ZNF333: variants seen among roughly 807,000 people sequenced by gnomAD.
ZNF333 encodes the protein zinc finger protein 333.
In ZNF333, 61 loss-of-function variants were observed where a neutral mutation model predicts 76.1. The observed-to-expected ratio is 0.80, with a 90% confidence interval of 0.65 to 0.99. ZNF333 has a LOEUF of 0.99. Ranked by LOEUF, ZNF333 falls within the 50% of genes least tolerant of loss-of-function variation. ZNF333 has a pLI of 0.00. For synonymous variants in ZNF333, 284 were observed against 305.0 expected (o/e 0.93, Z 0.72); for missense variants, 717 against 822.4 (o/e 0.87, Z 1.57).
intron 11 of ZNF333, among the ~76,000 whole-genome samples, chr19:14,729,174 C>A (rs1031988609): frequency 2.0e-5 from 3 of 152,032 alleles, no homozygotes; most frequent in African/African-American, 4.8e-5. Flanking sequence ...ACAGACTGAA[C>A]CTTTGAAGAG....
chr19:14,705,128 C>T lies in ZNF333; in HGVS notation c.381C>T (p.Asp127=). Residue 127 remains aspartate, a synonymous_variant, in exon 6 of 12, where the codon GAC becomes GAT. Coordinates refer to ENST00000292530, the MANE Select transcript of ZNF333 (RefSeq NM_032433.4). ...GGGAGACACCATTGACTCGAGAGGA[C>T]CGGCCAGCTCTCCAGGAGCCGCCTT... ...EERETPLTRE[D]RPALQEPPWS... is the part of the protein sequence containing the mutation. 6.2e-7 allele frequency: 1 copy of T among 1,613,940 alleles called. No individual in the cohort carries two copies. Among genetic ancestry groups the T allele is most frequent in the Non-Finnish European group, 8.5e-7 (1 of 1,179,984 alleles).
Position 14,693,482 on chromosome 19 carries a change from C to T in ZNF333, c.-10C>T, listed in dbSNP as rs768015765. 3.7e-6 allele frequency: 6 copies of T among 1,602,490 alleles called. No individual in the cohort carries two copies. In the East Asian group the frequency reaches 1.3e-4, roughly 36 times the overall value. Reference sequence around the variant, plus strand: ...CACCGACTGAGACCTCAAACCCTGGCTCCAGTGTCATGGTGAGGAAACTGG... The same window carrying T: ...CACCGACTGAGACCTCAAACCCTGGTTCCAGTGTCATGGTGAGGAAACTGG... On this transcript the variant is annotated 5_prime_UTR_variant, in exon 2 of 12. Transcript: ENST00000292530.
At position 14,721,280 on chromosome 19, in the gene ZNF333, C is replaced by CATTTTTTATTTTT. The variant is rs2042578784; in HGVS notation, c.*1955_*1956insATTTTTTATTTTT. 1.1e-5 allele frequency: 1 copy of CATTTTTTATTTTT among 87,862 alleles called. No homozygotes were observed. Among genetic ancestry groups the CATTTTTTATTTTT allele is most frequent in the Non-Finnish European group, 2.1e-5 (1 of 47,640 alleles). The allele number at this position is 87,862 out of a possible 1,614,324, so 5.4% of individuals were successfully genotyped here. Reference sequence around the variant, plus strand: ...GGACTAGTCTCCATTTTTACTTGTTCTTTTTTTTTTTTTTTTTTTTTTTTT... The same window carrying CATTTTTTATTTTT: ...GGACTAGTCTCCATTTTTACTTGTTCATTTTTTATTTTTTTTTTTTTTTTTTTTTTTTTTTTTT... On this transcript the variant is annotated 3_prime_UTR_variant, in exon 12 of 12. Coordinates refer to ENST00000292530, the MANE Select transcript of ZNF333 (RefSeq NM_032433.4).
intron 7 of ZNF333, chr19:14,708,498 C>CA (rs34925577): frequency 1.5e-5 from 6 of 398,414 alleles, no homozygotes; most frequent in East Asian, 7.2e-5. Context: ...TCTCAGGGGA[C>CA]GGGAGAGTTC....
At position 14,718,877 on chromosome 19, in the gene ZNF333, C is replaced by T. The variant is rs778924430; in HGVS notation, c.1550C>T (p.Thr517Met). The T allele has an allele frequency of 2.5e-5, 40 of 1,614,014 alleles. No individual in the cohort carries two copies. The Admixed American group carries it at 2.8e-4, about 11-fold the overall frequency. ...AACCAGTGTGGCAAGCCCTTCCGGA[C>T]GAGCACTCATCTGAACGTGCACAAG... The part of the protein sequence containing the change: ...ECNQCGKPFR[T>M]STHLNVHKRI... Residue 517 changes from threonine (T) to methionine (M), a missense_variant, in exon 12 of 12, where the codon ACG (threonine) becomes ATG (methionine). Transcript: ENST00000292530.
intron 7 of ZNF333, among the ~76,000 whole-genome samples, chr19:14,710,139 G>C (rs1568544102): frequency 6.6e-6 from 1 of 152,230 alleles, no homozygotes; most frequent in Non-Finnish European, 1.5e-5. Context: ...GCAGCTTCCA[G>C]ATTGTTCAGG....
At chr19:14,711,105 A>T (rs533644401) in intron 7 of ZNF333, among the ~76,000 whole-genome samples, 24 of 152,298 alleles carry the variant, frequency 1.6e-4, no homozygotes, top group Admixed American at 1.6e-3. Flanking sequence ...ATCTGCCCCC[A>T]AGTCCCGCCT....
At chr19:14,700,161 T>C (rs3893727) in intron 5 of ZNF333, 28,443 of 152,410 alleles carry the variant, frequency 0.19, 2,859 homozygotes, top group Middle Eastern at 0.29. Flanking sequence ...TGAGTCACCA[T>C]GCCCAGCTAA....
downstream of ZNF333, among the ~76,000 whole-genome samples, chr19:14,722,261 A>G (rs1209745520): frequency 2.0e-5 from 3 of 152,188 alleles, no homozygotes; most frequent in African/African-American, 7.2e-5. Context: ...AGCTCCTCCT[A>G]TCAAGAGGTG....
chr19:14,720,697 T>C lies in ZNF333; in HGVS notation c.*1372T>C. ...TATGTCAGTTTTTATAAATGCTTCA[T>C]GGATGGTTGAAATCAATGTATTGTA... On this transcript the variant is annotated 3_prime_UTR_variant, in exon 12 of 12. Coordinates refer to ENST00000292530, the MANE Select transcript of ZNF333 (RefSeq NM_032433.4). The C allele has an allele frequency of 1.0e-6, 1 of 985,432 alleles. No individual in the cohort carries two copies. Among genetic ancestry groups the C allele is most frequent in the South Asian group, 4.7e-5 (1 of 21,294 alleles). 61.0% of individuals were successfully genotyped at this position (985,432 alleles called of 1,614,324 possible). A position where few individuals can be genotyped will look rare whatever the true frequency, so the allele number is the denominator to read the frequency against.
Position 14,705,042 on chromosome 19 carries a change from G to A in ZNF333, c.307-12G>A, listed in dbSNP as rs764056947. The A allele has an allele frequency of 1.2e-6, 2 of 1,613,004 alleles. No homozygotes were observed. Among genetic ancestry groups the A allele is most frequent in the African/African-American group, 1.3e-5 (1 of 75,042 alleles). ...ACTCTGTCCTGCTCAGCACCCTCTT[G>A]TCTTTTGCCAGGGGCCGGGGCTGTT... On this transcript the variant is annotated splice_polypyrimidine_tract_variant and intron_variant, in intron 5 of 11. Coordinates refer to ENST00000292530, the MANE Select transcript of ZNF333 (RefSeq NM_032433.4).
At chr19:14,712,819 A>C (rs2042317264) in intron 7 of ZNF333, among the ~76,000 whole-genome samples, 1 of 152,148 alleles carries the variant, frequency 6.6e-6, no homozygotes, top group African/African-American at 2.4e-5. Flanking sequence ...TCAACTCATT[A>C]CATCTGCAAC....
At chr19:14,705,892 G>T (rs1400117128) in intron 6 of ZNF333, among the ~76,000 whole-genome samples, 1 of 152,122 alleles carries the variant, frequency 6.6e-6, no homozygotes, top group Non-Finnish European at 1.5e-5. Context: ...TGTCTTCCAT[G>T]AAACTGGTCC....
chr19:14,710,127 A>C (rs991495175), intron 7 of ZNF333, among the ~76,000 whole-genome samples: 1 of 152,188 alleles, frequency 6.6e-6, no homozygotes, highest in Non-Finnish European at 1.5e-5. Context: ...ACTGAAGAAG[A>C]AGCAGCTTCC....
chr19:14,728,158 A>C (rs530692013), intron 11 of ZNF333, among the ~76,000 whole-genome samples: 1 of 152,348 alleles, frequency 6.6e-6, no homozygotes, highest in African/African-American at 2.4e-5. Context: ...GCTTGCAGTG[A>C]GCCGAGATTG....
chr19:14,716,081 C>T, intron 8 of ZNF333, 31 bp from the exon 9 acceptor site: 1 of 1,613,266 alleles, frequency 6.2e-7, no homozygotes, highest in Non-Finnish European at 8.5e-7. Flanking sequence ...GGGGTGGTCC[C>T]TGGCTGAGCC....
chr19:14,715,137 C>CTGTGTATATGTGTGCGTGTTTG (rs1568550128), intron 7 of ZNF333: 2 of 445,206 alleles, frequency 4.5e-6, no homozygotes, highest in East Asian at 4.2e-5. Context: ...TGGTATGTAA[C>CTGTGTATATGTGTGCGTGTTTG]TGTGTATATG....
chr19:14,723,906 G>T (rs1403467791), downstream of ZNF333, among the ~76,000 whole-genome samples: 3 of 152,182 alleles, frequency 2.0e-5, no homozygotes, highest in African/African-American at 7.2e-5. Context: ...GTTATTATGG[G>T]TATATTATGG....
At chr19:14,718,183 G>A in intron 11 of ZNF333, 45 bp from the exon 12 acceptor site, 2 of 1,553,182 alleles carry the variant, frequency 1.3e-6, no homozygotes, top group Non-Finnish European at 1.7e-6. Flanking sequence ...GAATATCTGT[G>A]AATCTAATAA....
Sources: gnomAD v4.1 joint callset for allele counts (sites outside exome capture counted in the v4.1 genomes callset) on GRCh38, gnomAD v4.1.1 for gene constraint, MANE v1.5 for transcripts, NCBI Gene and HGNC (gene_info 2026-07-23, HGNC 2026-07-21) for gene names.